The following TMEM132D variants were observed in gnomAD, a reference collection of about 807,000 sequenced individuals.
TMEM132D encodes the protein mature OL transmembrane protein.
TMEM132D carries 21 observed loss-of-function variants against 62.3 expected under a neutral mutation model. The observed-to-expected ratio is 0.34, with a 90% CI of 0.24 to 0.49. TMEM132D has a LOEUF of 0.49. Ranked by LOEUF, TMEM132D falls within the 20% of genes least tolerant of loss-of-function variation. TMEM132D has a pLI of 0.99. For missense variants in TMEM132D, 1,346 were observed against 1,402.8 expected (o/e 0.96, Z 0.65); for synonymous variants, 621 against 575.6 (o/e 1.08, Z -1.13).
At chr12:129,806,534 G>A (rs1871987262) in intron 1 of TMEM132D, among the ~76,000 whole-genome samples, 1 of 127,890 alleles carries the variant, frequency 7.8e-6, no homozygotes, top group South Asian at 2.9e-4. Context: ...CACACTCTGG[G>A]GACTGTTGTG....
intron 2 of TMEM132D, among the ~76,000 whole-genome samples, chr12:129,640,068 AC>A (rs1879603434): frequency 6.6e-6 from 1 of 152,046 alleles, no homozygotes; most frequent in Non-Finnish European, 1.5e-5. Context: ...ATACACACAC[AC>A]ACACACACAC....
At chr12:129,839,465 G>A (rs1031272618) in intron 1 of TMEM132D, among the ~76,000 whole-genome samples, 8 of 151,460 alleles carry the variant, frequency 5.3e-5, no homozygotes, top group Non-Finnish European at 1.2e-4. Flanking sequence ...GTTTCACCAT[G>A]TTGGCCAGGC....
chr12:129,493,543 TA>T (rs1874861970), intron 3 of TMEM132D, among the ~76,000 whole-genome samples: 1 of 152,192 alleles, frequency 6.6e-6, no homozygotes, highest in Non-Finnish European at 1.5e-5. Context: ...ATAGGATAAA[TA>T]AACAAATGCT....
intron 2 of TMEM132D, among the ~76,000 whole-genome samples, chr12:129,637,548 C>A (rs184157404): frequency 1.3e-5 from 2 of 152,166 alleles, no homozygotes; most frequent in Non-Finnish European, 2.9e-5. Context: ...CCCCCACCCC[C>A]TTCCTCCTGG....
chr12:129,537,882 G>A (rs149597831), intron 2 of TMEM132D, among the ~76,000 whole-genome samples: 175 of 152,324 alleles, frequency 1.1e-3, no homozygotes, highest in Middle Eastern at 3.4e-3. Context: ...AAAATCCCTA[G>A]AAGCAAAGCT....
At chr12:129,386,462 G>A (rs960201970) in intron 3 of TMEM132D, among the ~76,000 whole-genome samples, 5 of 150,536 alleles carry the variant, frequency 3.3e-5, no homozygotes, top group Admixed American at 2.0e-4. Flanking sequence ...TAATACCAAC[G>A]CCAACGCCAA....
intron 4 of TMEM132D, among the ~76,000 whole-genome samples, chr12:129,329,661 G>A (rs778600251): frequency 1.3e-5 from 2 of 152,078 alleles, no homozygotes; most frequent in African/African-American, 2.4e-5. Flanking sequence ...CCATCTCCTC[G>A]CAAATCCATG....
chr12:129,132,746 C>T (rs1876416437), intron 5 of TMEM132D, among the ~76,000 whole-genome samples: 1 of 152,162 alleles, frequency 6.6e-6, no homozygotes, highest in South Asian at 2.1e-4. Flanking sequence ...CCACGTTGTA[C>T]ACCTTAACTA....
intron 3 of TMEM132D, among the ~76,000 whole-genome samples, chr12:129,508,603 C>T (rs532640491): frequency 6.6e-6 from 1 of 152,126 alleles, no homozygotes; most frequent in African/African-American, 2.4e-5. Flanking sequence ...GTTTCTTGTC[C>T]TTACATTTCC....
intron 3 of TMEM132D, among the ~76,000 whole-genome samples, chr12:129,468,627 A>G (rs1349191687): frequency 1.3e-5 from 2 of 152,208 alleles, no homozygotes; most frequent in Admixed American, 1.3e-4. Context: ...ATTAATAAAA[A>G]AGCAAGTTGA....
intron 5 of TMEM132D, among the ~76,000 whole-genome samples, chr12:129,135,713 G>T (rs189305047): frequency 1.3e-5 from 2 of 152,252 alleles, no homozygotes; most frequent in Admixed American, 1.3e-4. Context: ...TGTTAGCAGG[G>T]TTGGTTCCTT....
At chr12:129,828,239 A>C (rs574752654) in intron 1 of TMEM132D, among the ~76,000 whole-genome samples, 1 of 152,122 alleles carries the variant, frequency 6.6e-6, no homozygotes, top group Non-Finnish European at 1.5e-5. Context: ...CGAGCCAGAG[A>C]ATTTTCCTTA....
At chr12:129,471,291 T>A (rs966743914) in intron 3 of TMEM132D, among the ~76,000 whole-genome samples, 1 of 151,864 alleles carries the variant, frequency 6.6e-6, no homozygotes, top group South Asian at 2.1e-4. Flanking sequence ...CCCAGCAACA[T>A]GTGCTCACTT....
intron 5 of TMEM132D, among the ~76,000 whole-genome samples, chr12:129,176,506 A>G (rs1350389619): frequency 6.6e-6 from 1 of 152,254 alleles, no homozygotes; most frequent in African/African-American, 2.4e-5. Context: ...AAGGCCACAG[A>G]GGAAGGCGAA....
chr12:129,822,541 G>A (rs1049811903), intron 1 of TMEM132D, among the ~76,000 whole-genome samples: 20 of 152,146 alleles, frequency 1.3e-4, no homozygotes, highest in Middle Eastern at 3.2e-3. Context: ...CTCAGCATCC[G>A]GAGTTGTTGA....
chr12:129,428,777 GCA>G (rs1399895462), intron 3 of TMEM132D, among the ~76,000 whole-genome samples: 10 of 152,334 alleles, frequency 6.6e-5, no homozygotes, highest in African/African-American at 2.4e-4. Context: ...CCCTAAGAAA[GCA>G]CTTGATGAGA....
chr12:129,358,546 A>G (rs1215441927), intron 3 of TMEM132D, among the ~76,000 whole-genome samples: 1 of 152,208 alleles, frequency 6.6e-6, no homozygotes. Flanking sequence ...CTCCCAGAGG[A>G]CACTGCTGAA....
chr12:129,810,876 G>A (rs1191109835), intron 1 of TMEM132D, among the ~76,000 whole-genome samples: 1 of 152,094 alleles, frequency 6.6e-6, no homozygotes, highest in African/African-American at 2.4e-5. Flanking sequence ...ACAAGACATA[G>A]GTATTTGTCA....
Position 129,081,372 on chromosome 12 carries a change from C to T in TMEM132D, c.1923+387G>A, listed in dbSNP as rs59670993. On this transcript the variant is annotated intron_variant, in intron 7 of 8. Transcript: ENST00000422113. ...GGAGTGTAGTGGCACGATCTCAGATCGCTGCAACCTCTGCTTCCCAGGCCC... is the reference window on the plus strand; with the variant it reads ...GGAGTGTAGTGGCACGATCTCAGATTGCTGCAACCTCTGCTTCCCAGGCCC... Among the ~76,000 whole-genome samples the T allele has an allele frequency of 2.9e-3, 448 of 152,236 alleles. 1 individual carries two copies. Among genetic ancestry groups the T allele is most frequent in the African/African-American group, 0.01 (422 of 41,546 alleles).
Sources: gnomAD v4.1 joint callset for allele counts (sites outside exome capture counted in the v4.1 genomes callset) on GRCh38, gnomAD v4.1.1 for gene constraint, MANE v1.5 for transcripts, NCBI Gene and HGNC (gene_info 2026-07-23, HGNC 2026-07-21) for gene names.